KDM2B: variants seen among roughly 807,000 people sequenced by gnomAD.
KDM2B encodes the protein lysine-specific demethylase 2B.
A neutral mutation model predicts 150.0 loss-of-function variants in KDM2B; 26 were observed. That is an observed-to-expected ratio of 0.17 (90% confidence interval 0.13 to 0.24). The LOEUF (loss-of-function observed/expected upper bound fraction) is 0.24, where lower values mean the gene tolerates loss of function less well. KDM2B is among the 10% of genes least tolerant of loss of function. KDM2B has a pLI of 1.00. For synonymous variants in KDM2B, 734 were observed against 729.5 expected (o/e 1.01, Z -0.10); for missense variants, 1,265 against 1,816.9 (o/e 0.70, Z 5.52).
At chr12:121,439,820 G>A in intron 22 of KDM2B, 37 bp downstream of exon 22, 1 of 1,481,158 alleles carries the variant, frequency 6.8e-7, no homozygotes, top group Non-Finnish European at 9.4e-7. Context: ...TTCTCCCACG[G>A]AGTGTTAGGC....
At position 121,430,041 on chromosome 12, in the gene KDM2B, T is replaced by C; in HGVS notation, c.*247A>G. On this transcript the variant is annotated 3_prime_UTR_variant, in exon 23 of 23. Coordinates refer to ENST00000377071, the MANE Select transcript of KDM2B (RefSeq NM_032590.5). This position sits in a 1 kb window ranked among gnomAD's most constrained non-coding sequence, Gnocchi z 4.4. ...CCTCCTCTCCGACAGGAATGTCTTC[T>C]TGTAAAGGCCGCCTTAGAAATGGTC... is the stretch of plus-strand genomic sequence containing the variant. 2.3e-6 allele frequency: 3 copies of C among 1,288,528 alleles called. No individual in the cohort carries two copies. Among genetic ancestry groups the C allele is most frequent in the Non-Finnish European group, 3.4e-6 (3 of 883,100 alleles). The allele number at this position is 1,288,528 out of a possible 1,614,324, so 79.8% of individuals were successfully genotyped here.
At chr12:121,418,109 TCTG>T in the KDM2B span, 2 of 607,764 alleles carry the variant, frequency 3.3e-6, no homozygotes, top group East Asian at 5.7e-5. Context: ...GGCTCCAAAG[TCTG>T]CTGTCTGAAG....
intron 9 of KDM2B, chr12:121,516,677 C>A (rs1190772209): frequency 1.5e-6 from 1 of 649,868 alleles, no homozygotes. Context: ...ACCAGAGGAC[C>A]TCAGGGCCCA....
intron 4 of KDM2B, among the ~76,000 whole-genome samples, chr12:121,572,536 C>T (rs782088026): frequency 2.0e-5 from 3 of 152,214 alleles, no homozygotes; most frequent in Non-Finnish European, 4.4e-5. Context: ...CAAATGCCCC[C>T]CTTCATCCCA....
chr12:121,507,733 A>G (rs1885218075), intron 11 of KDM2B, among the ~76,000 whole-genome samples: 1 of 152,188 alleles, frequency 6.6e-6, no homozygotes, highest in Non-Finnish European at 1.5e-5. Context: ...AGGCTAGGCC[A>G]GGCACAGTGG....
chr12:121,491,002 G>A (rs1315892449), intron 12 of KDM2B, among the ~76,000 whole-genome samples: 1 of 152,152 alleles, frequency 6.6e-6, no homozygotes, highest in African/African-American at 2.4e-5. Flanking sequence ...ATGGGAGGAA[G>A]CTGCAACCTG....
intron 12 of KDM2B, among the ~76,000 whole-genome samples, chr12:121,483,730 C>T (rs1882421548): frequency 6.6e-6 from 1 of 151,888 alleles, no homozygotes; most frequent in African/African-American, 2.4e-5. Flanking sequence ...CACACACACA[C>T]ACACACAAAC....
chr12:121,479,427 A>G (rs1197794694), intron 12 of KDM2B, among the ~76,000 whole-genome samples: 1 of 150,498 alleles, frequency 6.6e-6, no homozygotes, highest in Non-Finnish European at 1.5e-5. Flanking sequence ...AGATCGTGCC[A>G]CTGCACTCCA....
intron 6 of KDM2B, among the ~76,000 whole-genome samples, chr12:121,547,589 C>G (rs1889158050): frequency 6.6e-6 from 1 of 151,314 alleles, no homozygotes; most frequent in Non-Finnish European, 1.5e-5. Flanking sequence ...GCCAACTCTT[C>G]TAGGAAGCCC....
downstream of KDM2B, among the ~76,000 whole-genome samples, chr12:121,424,937 T>C (rs2137243453): frequency 6.6e-6 from 1 of 152,278 alleles, no homozygotes. Flanking sequence ...TAAAACCTCA[T>C]GGTTAAAAAG....
intron 12 of KDM2B, among the ~76,000 whole-genome samples, chr12:121,455,680 G>C (rs563569357): frequency 2.6e-5 from 4 of 152,242 alleles, no homozygotes; most frequent in South Asian, 2.1e-4. Context: ...CTCCAGCCTA[G>C]GAGACAGAGC....
intron 11 of KDM2B, among the ~76,000 whole-genome samples, chr12:121,501,049 C>T (rs1414404067): frequency 6.6e-6 from 1 of 151,780 alleles, no homozygotes; most frequent in Non-Finnish European, 1.5e-5. Flanking sequence ...TGTGGTGAGG[C>T]GAGATCACAC....
At chr12:121,534,675 G>T in intron 6 of KDM2B, 85 bp from the exon 7 acceptor site, 1 of 946,504 alleles carries the variant, frequency 1.1e-6, no homozygotes, top group Non-Finnish European at 1.7e-6. Context: ...GTCCTGAACT[G>T]GTGCCCTTTT....
chr12:121,500,591 C>T (rs1218448008), intron 11 of KDM2B, among the ~76,000 whole-genome samples: 2 of 152,240 alleles, frequency 1.3e-5, no homozygotes, highest in Non-Finnish European at 2.9e-5. Context: ...ACAAGGCAGG[C>T]ATCAGGGAAG....
intron 4 of KDM2B, among the ~76,000 whole-genome samples, chr12:121,550,171 G>A (rs577359622): frequency 3.9e-5 from 6 of 152,228 alleles, no homozygotes; most frequent in South Asian, 4.2e-4. Flanking sequence ...ATAGCCGGGC[G>A]TGGTGGCTCA....
the KDM2B span, chr12:121,420,000 G>T: frequency 2.5e-6 from 1 of 405,340 alleles, no homozygotes; most frequent in Non-Finnish European, 4.6e-6. Flanking sequence ...TAATACTCTG[G>T]TTAGATTTTA....
At chr12:121,444,737 C>T (rs1875845436) in intron 14 of KDM2B, 1 of 602,944 alleles carries the variant, frequency 1.7e-6, no homozygotes, top group African/African-American at 1.8e-5. Flanking sequence ...GGTTCAGAGG[C>T]TGAGCCCCTT....
chr12:121,438,158 G>T (rs1428369342), intron 22 of KDM2B, among the ~76,000 whole-genome samples: 2 of 151,542 alleles, frequency 1.3e-5, no homozygotes, highest in Non-Finnish European at 2.9e-5. Flanking sequence ...GGAGACTGAG[G>T]CAGAAGAATC....
At position 121,475,904 on chromosome 12, in the gene KDM2B, C is replaced by T. The variant is rs1455991012; in HGVS notation, c.1734+18675G>A. The stretch of plus-strand genomic sequence containing the variant: ...TTAGGCCAGGGGCAGTGGCTCACAC[C>T]TGTTATCCCAACACTTTGGGAGGGC... On this transcript the variant is annotated intron_variant, in intron 12 of 22. Transcript: ENST00000377071. Among the ~76,000 whole-genome samples the T allele has an allele frequency of 2.6e-5, 4 of 151,644 alleles. 1 individual carries two copies. The highest frequency in any genetic ancestry group is 2.6e-4 in the Admixed American group (4 of 15,200).
Sources: gnomAD v4.1 joint callset for allele counts (sites outside exome capture counted in the v4.1 genomes callset) on GRCh38, gnomAD v4.1.1 for gene constraint, Gnocchi (gnomAD v3.1) non-coding constraint, MANE v1.5 for transcripts, NCBI Gene and HGNC (gene_info 2026-07-23, HGNC 2026-07-21) for gene names.